MIA3: variants seen among roughly 807,000 people sequenced by gnomAD.
MIA3 encodes MIA SH3 domain ER export factor 3.
A neutral mutation model predicts 192.4 loss-of-function variants in MIA3; 90 were observed. The observed-to-expected ratio is 0.47, with a 90% confidence interval of 0.39 to 0.56. MIA3 has a LOEUF of 0.56. MIA3 is among the 20% of genes least tolerant of loss of function. The pLI is 0.00. For synonymous variants in MIA3, 740 were observed against 792.8 expected (o/e 0.93, Z 1.12); for missense variants, 2,123 against 2,269.4 (o/e 0.94, Z 1.31).
rs748877823 is a variant in MIA3, at chr1:222,627,632, G to C, written c.412G>C (p.Glu138Gln). ...GRDDFHNYNV[E>Q]ELLGFLELYN... Reference sequence around the variant, plus strand: ...AGATGATTTTCATAATTATAATGTAGAAGAACTTTTAGGGTTTTTGGAACT... The same window carrying C: ...AGATGATTTTCATAATTATAATGTACAAGAACTTTTAGGGTTTTTGGAACT... Residue 138 changes from glutamate to glutamine, a missense_variant, in exon 4 of 28, where the codon GAA becomes CAA. Physicochemically the swap from Glu to Gln is conservative, Grantham distance 29. Coordinates refer to ENST00000344922, the MANE Select transcript of MIA3 (RefSeq NM_198551.4). 1 of 1,590,038 alleles carries C rather than the reference G, an allele frequency of 6.3e-7. No homozygotes were observed. Among genetic ancestry groups the C allele is most frequent in the Admixed American group, 1.9e-5 (1 of 52,532 alleles).
chr1:222,659,422 T>A (rs780917043), intron 19 of MIA3, 31 bp from the exon 20 acceptor site: 258 of 1,606,906 alleles, frequency 1.6e-4, no homozygotes, highest in Non-Finnish European at 2.0e-4. Flanking sequence ...TCAGTTGTGC[T>A]TTAAATGATA....
intron 19 of MIA3, 44 bp downstream of exon 19, chr1:222,658,867 A>G (rs760648187): frequency 7.5e-7 from 1 of 1,331,728 alleles, no homozygotes; most frequent in Non-Finnish European, 1.1e-6. Context: ...TAATGAAACT[A>G]GTGTTGGCTT....
rs1375499303 is a variant in MIA3 at position 222,667,521 on chromosome 1, C to T, written c.*1902C>T. 1.3e-5 allele frequency: 2 copies of T among 152,236 alleles called. No homozygotes were observed. Among genetic ancestry groups the T allele is most frequent in the South Asian group, 2.1e-4 (1 of 4,820 alleles). The allele number at this position is 152,236 out of a possible 1,614,324, so 9.4% of individuals were successfully genotyped here. A position where few individuals can be genotyped will look rare whatever the true frequency, so the allele number is the denominator to read the frequency against. On this transcript the variant is annotated 3_prime_UTR_variant, in exon 28 of 28. Transcript: ENST00000344922. ...TTCAAAATATTAGAGTATTTTTCCCCTCTAAAGCCTTTTTTGGTGATTATT... is the reference window on the plus strand; with the variant it reads ...TTCAAAATATTAGAGTATTTTTCCCTTCTAAAGCCTTTTTTGGTGATTATT...
intron 22 of MIA3, 45 bp downstream of exon 22, chr1:222,659,846 A>T: frequency 6.2e-7 from 1 of 1,608,336 alleles, no homozygotes; most frequent in Non-Finnish European, 8.5e-7. Flanking sequence ...TGTTCTCTTA[A>T]GGAATTGGTT....
Position 222,650,839 on chromosome 1 carries a change from C to G in MIA3, c.3845C>G (p.Thr1282Arg). The change falls in exon 11 of 28, where the codon ACA becomes AGA. Residue 1282 changes from threonine (T) to arginine (R), a missense_variant. Coordinates refer to ENST00000344922, the MANE Select transcript of MIA3 (RefSeq NM_198551.4). ...AAAAATCAGGAAATTCTGGATGACA[C>G]AGCTAAAAATCTTCGTGTTATGCTA... The part of the protein sequence containing the change: ...LEKNQEILDD[T>R]AKNLRVMLES... 1 of 1,610,244 alleles carries G rather than the reference C, an allele frequency of 6.2e-7. No individual in the cohort carries two copies. The highest frequency in any genetic ancestry group is 8.5e-7 in the Non-Finnish European group (1 of 1,178,542).
At chr1:222,644,975 A>G (rs1315720869) in intron 6 of MIA3, among the ~76,000 whole-genome samples, 2 of 152,206 alleles carry the variant, frequency 1.3e-5, no homozygotes, top group African/African-American at 2.4e-5. Flanking sequence ...ACTGTTTTCA[A>G]GGAAACATTT....
rs886196283 is a variant in MIA3, at chr1:222,644,306, G to A, written c.3478-1248G>A. 4 of 1,428,630 alleles carry A rather than the reference G, an allele frequency of 2.8e-6. No individual in the cohort carries two copies. In the African/African-American group the frequency reaches 5.8e-5, roughly 21 times the overall value. 88.5% of individuals were successfully genotyped at this position (1,428,630 alleles called of 1,614,324 possible). A position where few individuals can be genotyped will look rare whatever the true frequency, so the allele number is the denominator to read the frequency against. On this transcript the variant is annotated intron_variant, in intron 6 of 27. Coordinates refer to ENST00000344922, the MANE Select transcript of MIA3 (RefSeq NM_198551.4). ...TGCGCCAGGGGCAGTGGCTGATGAC[G>A]TGTTTTATAGGCGGCATAAAGCGAA...
chr1:222,645,517 G>C, intron 6 of MIA3, 37 bp from the exon 7 acceptor site: 1 of 1,549,498 alleles, frequency 6.5e-7, no homozygotes, highest in Non-Finnish European at 8.7e-7. Context: ...CTTCTTTAAG[G>C]TTTCTCATTA....
intron 3 of MIA3, among the ~76,000 whole-genome samples, chr1:222,625,793 G>C (rs941517329): frequency 1.3e-5 from 2 of 152,178 alleles, no homozygotes; most frequent in African/African-American, 4.8e-5. Flanking sequence ...CTGGAGTGCA[G>C]TGGTGCGATA....
rs1662482239 is a variant in MIA3 at position 222,633,210 on chromosome 1, CCTT to C, written c.3441_3443del (p.Leu1148del). ...GTGTCACACCTTTGGAAAACGCAAT[CCTT>C]CTAATATATTCATTCATGTTTTATT... On this transcript the variant is annotated inframe_deletion, in exon 6 of 28. Coordinates refer to ENST00000344922, the MANE Select transcript of MIA3 (RefSeq NM_198551.4). 2.5e-6 allele frequency: 4 copies of C among 1,612,936 alleles called. No individual in the cohort carries two copies. The highest frequency in any genetic ancestry group is 3.4e-6 in the Non-Finnish European group (4 of 1,179,566).
At chr1:222,632,933 A>G (rs1192827576) in intron 5 of MIA3, among the ~76,000 whole-genome samples, 171 bp from the exon 6 acceptor site, 1 of 152,286 alleles carries the variant, frequency 6.6e-6, no homozygotes, top group African/African-American at 2.4e-5. Context: ...AGTCCAGGAT[A>G]GACCGACACA....
In MIA3 at chr1:222,666,091, C is replaced by G. The variant is rs1664270979; in HGVS notation, c.*472C>G. 6.6e-6 allele frequency: 1 copy of G among 152,340 alleles called. No individual in the cohort carries two copies. The highest frequency in any genetic ancestry group is 1.5e-5 in the Non-Finnish European group (1 of 68,192). The allele number at this position is 152,340 out of a possible 1,614,324, so 9.4% of individuals were successfully genotyped here. ...TACTAAAAGATCACTAAACTATCTC[C>G]CCTCTTGCTGAAGTTCTTTGTAGTA... On this transcript the variant is annotated 3_prime_UTR_variant, in exon 28 of 28. Coordinates refer to ENST00000344922, the MANE Select transcript of MIA3 (RefSeq NM_198551.4).
intron 6 of MIA3, among the ~76,000 whole-genome samples, chr1:222,638,344 A>G (rs539892577): frequency 6.6e-6 from 1 of 152,320 alleles, no homozygotes; most frequent in East Asian, 1.9e-4. Flanking sequence ...TAGGTGACAC[A>G]CTTCTTTCTG....
chr1:222,655,559 T>C (rs1239699808), intron 18 of MIA3, among the ~76,000 whole-genome samples: 2 of 152,252 alleles, frequency 1.3e-5, no homozygotes, highest in Non-Finnish European at 2.9e-5. Flanking sequence ...CTTAGACTGC[T>C]ACTGCTGTAT....
chr1:222,644,311 T>G, intron 6 of MIA3: 1 of 1,437,648 alleles, frequency 7.0e-7, no homozygotes, highest in South Asian at 1.4e-5. Flanking sequence ...ATGACGTGTT[T>G]TATAGGCGGC....
chr1:222,654,011 T>C (rs1367944727), intron 15 of MIA3, among the ~76,000 whole-genome samples: 1 of 152,216 alleles, frequency 6.6e-6, no homozygotes, highest in Non-Finnish European at 1.5e-5. Flanking sequence ...ATCTCACATG[T>C]TTCTTCTTGC....
intron 1 of MIA3, among the ~76,000 whole-genome samples, chr1:222,619,953 C>A (rs949941106): frequency 6.6e-6 from 1 of 152,142 alleles, no homozygotes; most frequent in East Asian, 1.9e-4. Context: ...ATTATAAATC[C>A]TCTATGATCT....
chr1:222,631,559 A>G (rs1386493674), intron 4 of MIA3, among the ~76,000 whole-genome samples: 2 of 152,210 alleles, frequency 1.3e-5, no homozygotes, highest in Non-Finnish European at 2.9e-5. Context: ...ATTAAAACAT[A>G]TATTTTGGAT....
chr1:222,664,285 C>G, intron 27 of MIA3, 137 bp downstream of exon 27: 2 of 861,876 alleles, frequency 2.3e-6, no homozygotes, highest in Admixed American at 4.5e-5. Flanking sequence ...AACTTTTCCC[C>G]AAGTTTCTTC....
Sources: allele counts gnomAD v4.1 joint callset (sites outside exome capture counted in the v4.1 genomes callset), GRCh38; gene constraint gnomAD v4.1.1; transcripts MANE v1.5; gene names NCBI Gene and HGNC (gene_info 2026-07-23, HGNC 2026-07-21).